The following HHIPL1 variants were observed in gnomAD, a reference collection of about 807,000 sequenced individuals.
HHIPL1 encodes the protein HHIP-like protein 1.
HHIPL1 carries 43 observed loss-of-function variants against 61.8 expected under a neutral mutation model. The ratio of observed to expected loss-of-function variants is 0.70; its 90% CI spans 0.55 to 0.90. The LOEUF (loss-of-function observed/expected upper bound fraction) is 0.90. Ranked by LOEUF, HHIPL1 falls within the 40% of genes least tolerant of loss-of-function variation. The probability of loss-of-function intolerance (pLI) is 0.00; values close to 1 mark genes in which losing one functional copy is unlikely to be tolerated. For missense variants in HHIPL1, 1,056 were observed against 1,157.7 expected, an observed-to-expected ratio of 0.91 and a Z score of 1.28; for synonymous variants, 482 against 515.8, an observed-to-expected ratio of 0.93 and a Z score of 0.89.
Position 99,672,277 on chromosome 14 carries a change from C to T in HHIPL1, c.1731-40C>T, listed in dbSNP as rs1368251975. On this transcript the variant is annotated intron_variant, in intron 7 of 8. Coordinates refer to ENST00000330710, the MANE Select transcript of HHIPL1 (RefSeq NM_001127258.3). ...AGAAAAGGCACCCTCAGGGTGGGCT[C>T]CCAGGGTGAGACTCATAACCTCCTG... The T allele has an allele frequency of 2.0e-6, 3 of 1,533,458 alleles. No homozygotes were observed. The South Asian group carries it at 3.6e-5, about 18-fold the overall frequency. The allele number at this position is 1,533,458 out of a possible 1,614,324, so 95.0% of individuals were successfully genotyped here. A position where few individuals can be genotyped will look rare whatever the true frequency, so the allele number is the denominator to read the frequency against.
At chr14:99,622,095 C>CT in the HHIPL1 span, among the ~76,000 whole-genome samples, 1 of 151,962 alleles carries the variant, frequency 6.6e-6, no homozygotes, top group Non-Finnish European at 1.5e-5. Flanking sequence ...TGCAATTGAC[C>CT]TTTTGCTCCT....
At chr14:99,637,571 C>CA in the HHIPL1 span, among the ~76,000 whole-genome samples, 1,735 of 118,340 alleles carry the variant, frequency 0.015, 36 homozygotes, top group African/African-American at 0.048. Context: ...GACTCCGTCT[C>CA]AAAAAAAAAA....
At chr14:99,605,530 C>T in the HHIPL1 span, among the ~76,000 whole-genome samples, 1 of 152,238 alleles carries the variant, frequency 6.6e-6, no homozygotes, top group Non-Finnish European at 1.5e-5. Context: ...GCTGTGTACT[C>T]AGCGCCTACT....
chr14:99,668,744 C>G lies in HHIPL1; in HGVS notation c.1730+441C>G. 1 of 1,508,862 alleles carries G rather than the reference C, an allele frequency of 6.6e-7. No individual in the cohort carries two copies. The allele number at this position is 1,508,862 out of a possible 1,614,324, so 93.5% of individuals were successfully genotyped here. ...ATCCCTGTGTGTCCCCGCCCCGTGCCTGCCCTTCCTCCTGTGGTCCATCTT... is the reference window on the plus strand; with the variant it reads ...ATCCCTGTGTGTCCCCGCCCCGTGCGTGCCCTTCCTCCTGTGGTCCATCTT... On this transcript the variant is annotated intron_variant, in intron 7 of 8. Transcript: ENST00000330710. The surrounding 1 kb of genome is among the most constrained non-coding windows in gnomAD (Gnocchi z 4.7).
upstream of HHIPL1, among the ~76,000 whole-genome samples, chr14:99,644,692 T>G (rs1230745233): frequency 3.3e-5 from 5 of 152,062 alleles, no homozygotes; most frequent in Admixed American, 2.6e-4. Flanking sequence ...CCGTCCTCCC[T>G]CCCCACCCCT....
chr14:99,645,709 AGGAC>A (rs1327042158), intron 1 of HHIPL1, among the ~76,000 whole-genome samples: 8 of 152,332 alleles, frequency 5.3e-5, no homozygotes, highest in South Asian at 2.1e-4. Flanking sequence ...TGAAGCAGGA[AGGAC>A]GGACGGACGG....
Position 99,645,455 on chromosome 14 carries a change from T to C in HHIPL1, c.248T>C (p.Leu83Pro). 1 of 1,300,564 alleles carries C rather than the reference T, an allele frequency of 7.7e-7. No homozygotes were observed. The allele number at this position is 1,300,564 out of a possible 1,614,324, so 80.6% of individuals were successfully genotyped here. Residue 83 changes from leucine to proline, a missense_variant, in exon 1 of 9, where the codon CTG becomes CCG. Leu to Pro is a moderately conservative substitution (Grantham distance 98). Transcript: ENST00000330710. ...TGCGCCGGCTACGCGAGGGACCTGC[T>C]GTGCCAGGTGAGCGGGCGCGCGGCC... ...AACAGYARDL[L>P]CQECSPYAAH...
chr14:99,636,010 A>G, the HHIPL1 span, among the ~76,000 whole-genome samples: 1 of 151,580 alleles, frequency 6.6e-6, no homozygotes, highest in Non-Finnish European at 1.5e-5. Flanking sequence ...ACTGCCACCA[A>G]CTCCACTTGT....
intron 3 of HHIPL1, 93 bp from the exon 4 acceptor site, chr14:99,659,335 C>A: frequency 9.8e-7 from 1 of 1,024,050 alleles, no homozygotes; most frequent in Non-Finnish European, 1.3e-6. Context: ...CCTGGCTCAG[C>A]GGTCAGCCGG....
chr14:99,634,463 G>A, the HHIPL1 span, among the ~76,000 whole-genome samples: 1 of 152,204 alleles, frequency 6.6e-6, no homozygotes, highest in Admixed American at 6.5e-5. Context: ...ACTTCTCAGA[G>A]CATGCAGAGT....
At chr14:99,672,465 T>C (rs941611162) in intron 8 of HHIPL1, 66 bp downstream of exon 8, 1 of 1,364,774 alleles carries the variant, frequency 7.3e-7, no homozygotes, top group South Asian at 1.2e-5. Context: ...ACGGCTGCCT[T>C]TCCAGCCAGA....
chr14:99,637,201 GAAGAAAGAAAGAAAGA>G, the HHIPL1 span, among the ~76,000 whole-genome samples: 1,662 of 87,256 alleles, frequency 0.019, 24 homozygotes, highest in Middle Eastern at 0.023. Context: ...AGAAAGAAAG[GAAGAAAGAAAGAAAGA>G]AAGAAAGAAA....
the HHIPL1 span, among the ~76,000 whole-genome samples, chr14:99,628,263 C>T: frequency 6.6e-6 from 1 of 152,136 alleles, no homozygotes; most frequent in African/African-American, 2.4e-5. Flanking sequence ...GCAGTCTCTT[C>T]CTTTCTGTCC....
Position 99,645,403 on chromosome 14 carries a change from C to T in HHIPL1, c.196C>T (p.Arg66Cys), listed in dbSNP as rs1326032211. 2.6e-5 allele frequency: 36 copies of T among 1,410,542 alleles called. No individual in the cohort carries two copies. The highest frequency in any genetic ancestry group is 3.3e-5 in the Non-Finnish European group (36 of 1,085,160). The allele number at this position is 1,410,542 out of a possible 1,614,324, so 87.4% of individuals were successfully genotyped here. ...CCGCCGCTTCTGGGCCCTGGCGAGC[C>T]GCGTGGACGCCGCCGAGTGGGCCGC... ...LTRRFWALAS[R>C]VDAAEWAACA... Residue 66 changes from arginine (R) to cysteine (C), a missense_variant, in exon 1 of 9, where the codon CGC (arginine) becomes TGC (cysteine). Physicochemically the swap from Arg to Cys is radical, Grantham distance 180. Transcript: ENST00000330710.
chr14:99,640,877 C>CTTTTT (rs59137552), upstream of HHIPL1, among the ~76,000 whole-genome samples: 320 of 69,868 alleles, frequency 4.6e-3, 31 homozygotes, highest in African/African-American at 0.01. Context: ...ACTTCTTCTT[C>CTTTTT]TTTTTTTTTT....
chr14:99,610,711 A>T, the HHIPL1 span, among the ~76,000 whole-genome samples: 1 of 152,144 alleles, frequency 6.6e-6, no homozygotes, highest in Non-Finnish European at 1.5e-5. Context: ...CAGTGAGCAG[A>T]GATCATGCCA....
intron 2 of HHIPL1, among the ~76,000 whole-genome samples, chr14:99,655,593 C>T (rs763783231): frequency 1.3e-5 from 2 of 151,894 alleles, no homozygotes; most frequent in South Asian, 2.1e-4. Flanking sequence ...CACTGCACTC[C>T]GGCCTGGGTG....
Position 99,668,266 on chromosome 14 carries a change from C to T in HHIPL1, c.1693C>T (p.Pro565Ser), listed in dbSNP as rs973150143. 2 of 1,612,918 alleles carry T rather than the reference C, an allele frequency of 1.2e-6. No individual in the cohort carries two copies. The highest frequency in any genetic ancestry group is 1.7e-6 in the Non-Finnish European group (2 of 1,178,992). Residue 565 changes from proline (P) to serine (S), a missense_variant, in exon 7 of 9, where the codon CCA becomes TCA. Pro to Ser is a moderately conservative substitution (Grantham distance 74). Coordinates refer to ENST00000330710, the MANE Select transcript of HHIPL1 (RefSeq NM_001127258.3). This position sits in a 1 kb window ranked among gnomAD's most constrained non-coding sequence, Gnocchi z 4.7. The stretch of plus-strand genomic sequence containing the variant: ...GACAGGGGAGCCGAGTGCCACAGCT[C>T]CACGCGGAGTTGTCTACAAAATAAT... ...MSTGEPSATA[P>S]RGVVYKIIDA...
At chr14:99,649,888 C>A (rs12880985) in intron 1 of HHIPL1, among the ~76,000 whole-genome samples, 31,047 of 152,308 alleles carry the variant, frequency 0.2, 3,489 homozygotes, top group East Asian at 0.31. Context: ...CCCTGGTCCA[C>A]GTGCAGCTGC....
Sources: gnomAD v4.1 joint callset for allele counts (sites outside exome capture counted in the v4.1 genomes callset) on GRCh38, gnomAD v4.1.1 for gene constraint, Gnocchi (gnomAD v3.1) non-coding constraint, MANE v1.5 for transcripts, NCBI Gene and HGNC (gene_info 2026-07-23, HGNC 2026-07-21) for gene names.